ZNF385D: variants seen among roughly 807,000 people sequenced by gnomAD.
ZNF385D encodes zinc finger protein 659.
A neutral mutation model predicts 35.8 loss-of-function variants in ZNF385D; 15 were observed. That is an observed-to-expected ratio of 0.42 (90% CI 0.28 to 0.64). The LOEUF (loss-of-function observed/expected upper bound fraction) is 0.64. Ranked by LOEUF, ZNF385D falls within the 30% of genes least tolerant of loss-of-function variation. ZNF385D has a pLI of 0.23. For synonymous variants in ZNF385D, 212 were observed against 186.8 expected (o/e 1.13, Z -1.10); for missense variants, 474 against 494.6 (o/e 0.96, Z 0.39).
chr3:22,095,265 T>A (rs1341441528), intron 3 of ZNF385D, among the ~76,000 whole-genome samples: 1 of 151,932 alleles, frequency 6.6e-6, no homozygotes, highest in Non-Finnish European at 1.5e-5. Flanking sequence ...AATCTCAGTA[T>A]AAATCGTTTT....
At chr3:21,428,013 T>C (rs1329711893) in intron 5 of ZNF385D, among the ~76,000 whole-genome samples, 1 of 152,148 alleles carries the variant, frequency 6.6e-6, no homozygotes, top group Non-Finnish European at 1.5e-5. Context: ...TTAAACAGTG[T>C]AACCTCATAC....
Position 21,425,621 on chromosome 3 carries a change from G to T in ZNF385D, c.723C>A (p.Ile241=), listed in dbSNP as rs1250332969. 9 of 1,604,090 alleles carry T rather than the reference G, an allele frequency of 5.6e-6. No homozygotes were observed. The change falls in exon 6 of 8, where the codon ATC becomes ATA. Residue 241 remains isoleucine (I), a synonymous_variant. Transcript: ENST00000281523. ...TCACTCCTGCCCTAGGAAAGGCTTT[G>T]ATAGTGCCACTTCCATTCCGGGCTT... The part of the protein sequence containing the change: ...MLEARNGSGT[I]KAFPRAGVKG...
chr3:21,503,779 T>A (rs560575399), intron 4 of ZNF385D, among the ~76,000 whole-genome samples: 64 of 152,258 alleles, frequency 4.2e-4, no homozygotes, highest in Non-Finnish European at 7.2e-4. Context: ...TAGAAAATTA[T>A]CTTTATTACT....
At chr3:22,041,460 A>G (rs1211457693) in intron 3 of ZNF385D, among the ~76,000 whole-genome samples, 1 of 152,182 alleles carries the variant, frequency 6.6e-6, no homozygotes, top group East Asian at 1.9e-4. Context: ...AAGCAAAACC[A>G]CAATTAAAAT....
chr3:22,124,425 T>C (rs1703306860), intron 3 of ZNF385D, among the ~76,000 whole-genome samples: 1 of 152,134 alleles, frequency 6.6e-6, no homozygotes, highest in Admixed American at 6.6e-5. Flanking sequence ...ACTGATTTCC[T>C]TTTTAGGGTA....
At chr3:21,454,565 A>C (rs1702665517) in intron 4 of ZNF385D, among the ~76,000 whole-genome samples, 1 of 152,098 alleles carries the variant, frequency 6.6e-6, no homozygotes, top group African/African-American at 2.4e-5. Context: ...CCTCTCAATA[A>C]ATTAGGTATT....
At chr3:21,873,397 T>G (rs1218359451) in intron 3 of ZNF385D, among the ~76,000 whole-genome samples, 1 of 152,156 alleles carries the variant, frequency 6.6e-6, no homozygotes, top group Non-Finnish European at 1.5e-5. Flanking sequence ...CATGATATAG[T>G]CTCAGCTCTT....
chr3:22,024,985 T>G (rs1697447257), intron 3 of ZNF385D, among the ~76,000 whole-genome samples: 1 of 152,152 alleles, frequency 6.6e-6, no homozygotes, highest in Non-Finnish European at 1.5e-5. Context: ...GTGGCTGACC[T>G]GAAACAAAAG....
chr3:21,909,616 T>C (rs1168156424), intron 3 of ZNF385D, among the ~76,000 whole-genome samples: 1 of 152,020 alleles, frequency 6.6e-6, no homozygotes, highest in Non-Finnish European at 1.5e-5. Flanking sequence ...CCTGAATGGA[T>C]TGTTGCAAAG....
chr3:21,969,666 C>A (rs1227954926), intron 3 of ZNF385D, among the ~76,000 whole-genome samples: 1 of 152,144 alleles, frequency 6.6e-6, no homozygotes, highest in Non-Finnish European at 1.5e-5. Flanking sequence ...TGGCTGGATT[C>A]ACCATCTGCT....
chr3:21,563,469 A>G (rs2063027392), intron 3 of ZNF385D, among the ~76,000 whole-genome samples: 1 of 152,250 alleles, frequency 6.6e-6, no homozygotes, highest in African/African-American at 2.4e-5. Flanking sequence ...ATTAGTAAGT[A>G]TGAGTTCTTA....
At chr3:22,227,905 G>C (rs1382765125) in intron 2 of ZNF385D, among the ~76,000 whole-genome samples, 1 of 152,162 alleles carries the variant, frequency 6.6e-6, no homozygotes, top group Non-Finnish European at 1.5e-5. Context: ...GCTCTGCAAG[G>C]AGTACCTCTG....
chr3:21,849,142 A>T (rs1417779412), intron 3 of ZNF385D, among the ~76,000 whole-genome samples: 1 of 152,096 alleles, frequency 6.6e-6, no homozygotes, highest in Non-Finnish European at 1.5e-5. Context: ...TAACTGTCAC[A>T]TCCCCTTTCT....
chr3:22,315,184 A>G (rs2125435597), intron 2 of ZNF385D, among the ~76,000 whole-genome samples: 1 of 152,316 alleles, frequency 6.6e-6, no homozygotes, highest in South Asian at 2.1e-4. Context: ...AAGAAATAGG[A>G]TTTGGGAAGG....
chr3:22,232,565 T>A (rs1264749514), intron 2 of ZNF385D, among the ~76,000 whole-genome samples: 2 of 152,140 alleles, frequency 1.3e-5, no homozygotes, highest in African/African-American at 2.4e-5. Context: ...CAGGCCCTGG[T>A]GTGTGATGTT....
At chr3:21,815,667 C>A (rs187279995) in intron 3 of ZNF385D, among the ~76,000 whole-genome samples, 4 of 152,180 alleles carry the variant, frequency 2.6e-5, no homozygotes, top group Non-Finnish European at 5.9e-5. Context: ...ATAGCAGGCT[C>A]TGAAATTGAG....
intron 3 of ZNF385D, among the ~76,000 whole-genome samples, chr3:21,518,253 C>T (rs1294353726): frequency 6.6e-6 from 1 of 151,868 alleles, no homozygotes; most frequent in Non-Finnish European, 1.5e-5. Context: ...TCAAAAATAA[C>T]TCAGATACAT....
At chr3:21,815,177 T>A (rs1023995276) in intron 3 of ZNF385D, among the ~76,000 whole-genome samples, 1 of 152,104 alleles carries the variant, frequency 6.6e-6, no homozygotes, top group Non-Finnish European at 1.5e-5. Context: ...GGGACACATT[T>A]AAAGCAGTGT....
chr3:22,306,653 G>C (rs1494220), intron 2 of ZNF385D, among the ~76,000 whole-genome samples: 8 of 151,808 alleles, frequency 5.3e-5, no homozygotes, highest in Non-Finnish European at 1.0e-4. Flanking sequence ...GGAAATACTC[G>C]CTATGTTTCT....
Sources: allele counts gnomAD v4.1 joint callset (sites outside exome capture counted in the v4.1 genomes callset), GRCh38; gene constraint gnomAD v4.1.1; transcripts MANE v1.5; gene names NCBI Gene and HGNC (gene_info 2026-07-23, HGNC 2026-07-21).